Variants in RIF1 observed in about 807,000 individuals in gnomAD.
RIF1 encodes replication timing regulatory factor 1, also known as telomere-associated protein RIF1.
RIF1 carries 45 observed loss-of-function variants against 247.1 expected under a neutral mutation model. The ratio of observed to expected loss-of-function variants is 0.18; its 90% CI spans 0.14 to 0.23. The LOEUF (loss-of-function observed/expected upper bound fraction) is 0.23. Ranked by LOEUF, RIF1 falls within the 10% of genes least tolerant of loss-of-function variation. RIF1 has a pLI of 1.00. For synonymous variants in RIF1, 1,087 were observed against 978.8 expected (o/e 1.11, Z -2.06); for missense variants, 2,967 against 2,862.5 (o/e 1.04, Z -0.83).
intron 9 of RIF1, among the ~76,000 whole-genome samples, chr2:151,430,873 C>G (rs751566838): frequency 6.6e-6 from 1 of 152,080 alleles, no homozygotes; most frequent in African/African-American, 2.4e-5. Context: ...GGGCTAGTCT[C>G]GAGCTCCTGG....
intron 3 of RIF1, among the ~76,000 whole-genome samples, chr2:151,413,133 TCTC>T (rs1686575318): frequency 1.3e-5 from 2 of 151,946 alleles, no homozygotes; most frequent in Admixed American, 6.6e-5. Context: ...TTCAAGCCGT[TCTC>T]CTGCCTCAGC....
At chr2:151,443,194 C>A in intron 16 of RIF1, 65 bp from the exon 17 acceptor site, 4 of 1,011,100 alleles carry the variant, frequency 4.0e-6, no homozygotes, top group Non-Finnish European at 6.0e-6. Context: ...CTTAAATAAC[C>A]AATTATAAAA....
intron 9 of RIF1, among the ~76,000 whole-genome samples, chr2:151,431,658 A>C (rs1272077465): frequency 6.6e-6 from 1 of 152,168 alleles, no homozygotes; most frequent in African/African-American, 2.4e-5. Context: ...ATGGTGGCAC[A>C]TGCCTGTAAT....
At chr2:151,468,996 C>T (rs1429560764) in intron 33 of RIF1, among the ~76,000 whole-genome samples, 1 of 152,142 alleles carries the variant, frequency 6.6e-6, no homozygotes, top group Non-Finnish European at 1.5e-5. Flanking sequence ...ATATCATTAT[C>T]TTGTTTAATC....
rs1009521714 is a variant in RIF1 at position 151,481,712 on chromosome 2, T to C, written c.*6641T>C. On this transcript the variant is annotated 3_prime_UTR_variant, in exon 36 of 36. Coordinates refer to ENST00000444746, the MANE Select transcript of RIF1 (RefSeq NM_018151.5). ...GGAAATAATGGTGCAGTCAGTTTTA[T>C]TTGATTGTGTAATGCTTTATACTAG... The C allele has an allele frequency of 6.6e-6, 1 of 152,244 alleles. No individual in the cohort carries two copies. The highest frequency in any genetic ancestry group is 2.4e-5 in the African/African-American group (1 of 41,462). 9.4% of individuals were successfully genotyped at this position (152,244 alleles called of 1,614,324 possible). A position where few individuals can be genotyped will look rare whatever the true frequency, so the allele number is the denominator to read the frequency against.
intron 9 of RIF1, chr2:151,493,679 A>T: frequency 9.4e-7 from 1 of 1,062,482 alleles, no homozygotes; most frequent in Non-Finnish European, 1.3e-6. Context: ...AAAGATACAC[A>T]AAAGTTTTGG....
chr2:151,511,056 C>G (rs943764990), downstream of RIF1, among the ~76,000 whole-genome samples: 2 of 152,190 alleles, frequency 1.3e-5, no homozygotes, highest in Admixed American at 6.5e-5. Flanking sequence ...CCAAAGAGAG[C>G]CCCAGGAGAG....
At chr2:151,410,672 G>A (rs551271580) in intron 2 of RIF1, 145 bp downstream of exon 2, 1 of 680,100 alleles carries the variant, frequency 1.5e-6, no homozygotes, top group African/African-American at 1.8e-5. Flanking sequence ...GCCTTGGGGG[G>A]CGGGGGAGAT....
At chr2:151,521,512 A>T in the RIF1 span, among the ~76,000 whole-genome samples, 12 of 152,236 alleles carry the variant, frequency 7.9e-5, no homozygotes, top group Non-Finnish European at 1.8e-4. Flanking sequence ...AAACTAGGAG[A>T]TGTTCCCAAG....
the RIF1 span, among the ~76,000 whole-genome samples, chr2:151,524,155 A>T: frequency 6.6e-6 from 1 of 152,240 alleles, no homozygotes; most frequent in Non-Finnish European, 1.5e-5. Flanking sequence ...GAAACGAGAA[A>T]AGGCCCTCAG....
Position 151,464,677 on chromosome 2 carries a change from A to G in RIF1, c.5157A>G (p.Gln1719=), listed in dbSNP as rs1163566659. Residue 1719 remains glutamine, a synonymous_variant, in exon 30 of 36, where the codon CAA becomes CAG. Transcript: ENST00000444746. ...AAACTTTTCAAACACTTGAATGCCAACACAAGAGAAGTAGGAGGGTGAGGA... is the reference window on the plus strand; with the variant it reads ...AAACTTTTCAAACACTTGAATGCCAGCACAAGAGAAGTAGGAGGGTGAGGA... The part of the protein sequence containing the change: ...SEKTFQTLEC[Q]HKRSRRVRRS... 2.5e-6 allele frequency: 4 copies of G among 1,612,736 alleles called. No individual in the cohort carries two copies. Among genetic ancestry groups the G allele is most frequent in the Non-Finnish European group, 2.5e-6 (3 of 1,179,280 alleles).
intron 7 of RIF1, among the ~76,000 whole-genome samples, chr2:151,420,734 CAAA>C (rs35285535): frequency 1.6e-4 from 18 of 111,782 alleles, no homozygotes; most frequent in Non-Finnish European, 9.0e-5. Context: ...GACCCTGTCT[CAAA>C]AAAAAAAAAA....
intron 24 of RIF1, among the ~76,000 whole-genome samples, chr2:151,458,449 G>A (rs891913642): frequency 2.0e-5 from 3 of 151,806 alleles, no homozygotes; most frequent in African/African-American, 4.8e-5. Context: ...AGCCAGGATC[G>A]TCTCAATCTC....
At chr2:151,506,416 A>G (rs913324840) in intron 13 of RIF1, 69 of 618,234 alleles carry the variant, frequency 1.1e-4, no homozygotes, top group Non-Finnish European at 1.9e-4. Flanking sequence ...CCATGTCAGT[A>G]TCAGTGACTC....
At chr2:151,474,630 T>A (rs1264618667) in intron 35 of RIF1, among the ~76,000 whole-genome samples, 2 of 152,080 alleles carry the variant, frequency 1.3e-5, no homozygotes, top group Non-Finnish European at 2.9e-5. Flanking sequence ...GAGCTGAGAT[T>A]ACGCCACTGC....
chr2:151,422,538 C>T (rs148536335), intron 7 of RIF1, among the ~76,000 whole-genome samples: 181 of 148,946 alleles, frequency 1.2e-3, no homozygotes, highest in African/African-American at 4.4e-3. Flanking sequence ...CTTGCTCTGT[C>T]GCCCAGGCTG....
In RIF1 at chr2:151,428,920, C is replaced by T. The variant is rs758859228; in HGVS notation, c.923C>T (p.Pro308Leu). 8.9e-6 allele frequency: 13 copies of T among 1,459,276 alleles called. 1 individual carries two copies. The South Asian group carries it at 1.3e-4, about 14-fold the overall frequency. 90.4% of individuals were successfully genotyped at this position (1,459,276 alleles called of 1,614,324 possible). ...KSLIDNFALN[P>L]DILCSAKRLK... is the part of the protein sequence containing the mutation. ...TTAATAGATAATTTTGCTTTAAATCCAGGTAAGTAATATTTTAACAATTTT... is the reference window on the plus strand; with the variant it reads ...TTAATAGATAATTTTGCTTTAAATCTAGGTAAGTAATATTTTAACAATTTT... Residue 308 changes from proline (P) to leucine (L), a missense_variant and splice_region_variant, in exon 9 of 36, where the codon CCA (proline) becomes CTA (leucine). Physicochemically the swap from Pro to Leu is moderately conservative, Grantham distance 98. This residue lies in a region of RIF1 where 71 missense variants were observed against 132.9 expected (regional missense o/e 0.53). Transcript: ENST00000444746.
Position 151,493,400 on chromosome 2 carries a change from T to G in RIF1, c.*416-1829T>G, listed in dbSNP as rs770916105. The G allele has an allele frequency of 3.1e-6, 5 of 1,611,142 alleles. No individual in the cohort carries two copies. The highest frequency in any genetic ancestry group is 2.5e-6 in the Non-Finnish European group (3 of 1,179,094). On this transcript the variant is annotated intron_variant and NMD_transcript_variant, in intron 9 of 13. Coordinates refer to the RIF1 transcript ENST00000454583. The stretch of plus-strand genomic sequence containing the variant: ...CGCTTAGCTCTCTCCATCTCTGGAG[T>G]AACAGGTGTCGGAGTTGCTTTTCTC...
intron 11 of RIF1, among the ~76,000 whole-genome samples, chr2:151,436,125 T>G (rs544973723): frequency 6.6e-6 from 1 of 152,152 alleles, no homozygotes; most frequent in Admixed American, 6.5e-5. Flanking sequence ...CCTGGGAGGC[T>G]GTGGCAGGAG....
Sources: allele counts gnomAD v4.1 joint callset (sites outside exome capture counted in the v4.1 genomes callset), GRCh38; gene constraint gnomAD v4.1.1; regional missense constraint gnomAD v4.1.1; transcripts MANE v1.5; gene names NCBI Gene and HGNC (gene_info 2026-07-23, HGNC 2026-07-21).